Variants in EBF1 observed in about 807,000 individuals in gnomAD.
EBF1 encodes transcription factor COE1.
A neutral mutation model predicts 68.4 loss-of-function variants in EBF1; 10 were observed. The observed-to-expected ratio is 0.15, with a 90% CI of 0.09 to 0.25. The LOEUF (loss-of-function observed/expected upper bound fraction) is 0.25, where lower values mean the gene tolerates loss of function less well. Among genes scored for constraint, EBF1 ranks in the 10% least tolerant of loss-of-function variants. The pLI is 1.00. For synonymous variants in EBF1, 298 were observed against 299.8 expected, an observed-to-expected ratio of 0.99 and a Z score of 0.06; for missense variants, 509 against 794.4, an observed-to-expected ratio of 0.64 and a Z score of 4.32.
intron 11 of EBF1, among the ~76,000 whole-genome samples, chr5:158,722,387 T>G (rs1295447638): frequency 6.6e-6 from 1 of 152,250 alleles, no homozygotes; most frequent in Non-Finnish European, 1.5e-5. Flanking sequence ...GTGGCTTCTT[T>G]CCCTCAGCCA....
At chr5:158,842,783 C>T (rs1790589784) in intron 6 of EBF1, among the ~76,000 whole-genome samples, 1 of 152,192 alleles carries the variant, frequency 6.6e-6, no homozygotes, top group Admixed American at 6.5e-5. Context: ...CTCATACAAT[C>T]CTCCTAAGTA....
rs1354012103 is a variant in EBF1, at chr5:158,916,489, T to C, written c.555-76379A>G. Among the ~76,000 whole-genome samples, 4 of 152,266 alleles carry C rather than the reference T, an allele frequency of 2.6e-5. No individual in the cohort carries two copies. The East Asian group carries it at 7.7e-4, about 29-fold the overall frequency. ...AAGATATTATTCTATATGCCAAACATTGTACAAAGTTCTTTAAGTCATGAA... is the reference window on the plus strand; with the variant it reads ...AAGATATTATTCTATATGCCAAACACTGTACAAAGTTCTTTAAGTCATGAA... On this transcript the variant is annotated intron_variant, in intron 6 of 15. Transcript: ENST00000313708.
chr5:159,056,369 C>G (rs1026975406), intron 6 of EBF1, among the ~76,000 whole-genome samples: 1 of 152,086 alleles, frequency 6.6e-6, no homozygotes, highest in Non-Finnish European at 1.5e-5. Context: ...ATTGTCACTT[C>G]CTCCTTTGCC....
intron 6 of EBF1, among the ~76,000 whole-genome samples, chr5:159,005,236 C>T (rs1193829034): frequency 6.6e-6 from 1 of 152,120 alleles, no homozygotes; most frequent in Non-Finnish European, 1.5e-5. Context: ...GATTTTAATA[C>T]CAGAGAATGA....
chr5:159,041,767 C>T (rs17645003), intron 6 of EBF1, among the ~76,000 whole-genome samples: 4,274 of 152,198 alleles, frequency 0.028, 65 homozygotes, highest in Admixed American at 0.038. Context: ...ATATTTAGTT[C>T]CTTCCTGTAC....
rs10476267 is a variant in EBF1 at position 158,782,316 on chromosome 5, T to G, written c.910-4777A>C. On this transcript the variant is annotated intron_variant, in intron 9 of 15. Transcript: ENST00000313708. ...TCCTATACATCTTTCTCTCATTAGA[T>G]ATTTCCTGAGATCAGGAACACAGTC... Among the ~76,000 whole-genome samples the G allele has an allele frequency of 5.4e-3, 825 of 152,284 alleles. 12 individuals are homozygous for G. The highest frequency in any genetic ancestry group is 0.019 in the African/African-American group (797 of 41,544).
At chr5:158,770,295 T>C (rs1447098053) in intron 10 of EBF1, among the ~76,000 whole-genome samples, 1 of 152,008 alleles carries the variant, frequency 6.6e-6, no homozygotes, top group East Asian at 1.9e-4. Context: ...TCTCACTCCA[T>C]TCCATCTCCA....
intron 8 of EBF1, among the ~76,000 whole-genome samples, chr5:158,807,738 C>T (rs1037076551): frequency 5.3e-5 from 8 of 152,166 alleles, no homozygotes; most frequent in South Asian, 2.1e-4. Context: ...CCAAAACACA[C>T]GGAAGTCCCC....
intron 6 of EBF1, among the ~76,000 whole-genome samples, chr5:159,009,430 G>T (rs965558061): frequency 6.6e-6 from 1 of 152,196 alleles, no homozygotes; most frequent in South Asian, 2.1e-4. Context: ...CTAGAAGCCA[G>T]TTAACAATAA....
chr5:158,759,696 C>T (rs551113697), intron 10 of EBF1, among the ~76,000 whole-genome samples: 6 of 152,220 alleles, frequency 3.9e-5, no homozygotes, highest in African/African-American at 1.2e-4. Flanking sequence ...CCCCTCATTG[C>T]ACTGTACCAG....
At chr5:158,754,957 C>T (rs1378608388) in intron 10 of EBF1, among the ~76,000 whole-genome samples, 1 of 151,918 alleles carries the variant, frequency 6.6e-6, no homozygotes, top group Admixed American at 6.6e-5. Flanking sequence ...ATGAAAACAC[C>T]CTAAGTAACC....
At chr5:159,081,541 G>C (rs538544362) in intron 5 of EBF1, among the ~76,000 whole-genome samples, 94 of 152,332 alleles carry the variant, frequency 6.2e-4, no homozygotes, top group African/African-American at 2.2e-3. Context: ...GACTCAGGCT[G>C]AGAGCCAGGG....
intron 8 of EBF1, 143 bp downstream of exon 8, chr5:158,823,033 G>GA (rs1415838480): frequency 1.9e-5 from 22 of 1,131,070 alleles, no homozygotes; most frequent in Non-Finnish European, 2.0e-5. Context: ...ATGTTGAAGA[G>GA]AAAAAACCCT....
At chr5:158,723,938 GCA>G (rs142890520) in intron 11 of EBF1, among the ~76,000 whole-genome samples, 1 of 151,838 alleles carries the variant, frequency 6.6e-6, no homozygotes, top group Admixed American at 6.6e-5. Context: ...ACACATGCAC[GCA>G]CACACACACA....
intron 6 of EBF1, among the ~76,000 whole-genome samples, chr5:158,910,674 A>G (rs1805771071): frequency 6.6e-6 from 1 of 152,170 alleles, no homozygotes; most frequent in Non-Finnish European, 1.5e-5. Flanking sequence ...TTTTTCCCCA[A>G]TCTTTAAGTA....
At chr5:158,825,940 C>T (rs1786009595) in intron 7 of EBF1, among the ~76,000 whole-genome samples, 1 of 150,894 alleles carries the variant, frequency 6.6e-6, no homozygotes, top group Admixed American at 6.6e-5. Flanking sequence ...AAAAAAAACA[C>T]TGTGAGATGC....
chr5:158,783,913 T>G (rs1451193988), intron 9 of EBF1, among the ~76,000 whole-genome samples: 2 of 152,182 alleles, frequency 1.3e-5, no homozygotes, highest in East Asian at 3.9e-4. Flanking sequence ...ATCTTCTACA[T>G]GCGTATTAGA....
Position 158,829,290 on chromosome 5 carries a change from C to A in EBF1, c.637-5973G>T, listed in dbSNP as rs543578143. ...GTCCCGGGCTCAACTGGTCCTCCCA[C>A]CTCAGCTCCTGAGTAGCTGGAACTA... On this transcript the variant is annotated intron_variant, in intron 7 of 15. Transcript: ENST00000313708. Among the ~76,000 whole-genome samples, 4 of 152,162 alleles carry A rather than the reference C, an allele frequency of 2.6e-5. No individual in the cohort carries two copies. In the South Asian group the frequency reaches 6.2e-4, roughly 24 times the overall value.
intron 6 of EBF1, among the ~76,000 whole-genome samples, chr5:158,892,784 C>T (rs1302521870): frequency 6.6e-6 from 1 of 151,984 alleles, no homozygotes; most frequent in African/African-American, 2.4e-5. Flanking sequence ...CCTGGTAAGA[C>T]ATTTTACAAA....
Sources: gnomAD v4.1 joint callset for allele counts (sites outside exome capture counted in the v4.1 genomes callset) on GRCh38, gnomAD v4.1.1 for gene constraint, MANE v1.5 for transcripts, NCBI Gene and HGNC (gene_info 2026-07-23, HGNC 2026-07-21) for gene names.